Variants in ADD2 observed in about 807,000 individuals in gnomAD.
ADD2 encodes adducin 2.
A neutral mutation model predicts 83.0 loss-of-function variants in ADD2; 23 were observed. The ratio of observed to expected loss-of-function variants is 0.28; its 90% CI spans 0.20 to 0.39. ADD2 has a LOEUF of 0.39. Ranked by LOEUF, ADD2 falls within the 10% of genes least tolerant of loss-of-function variation. The pLI is 1.00. For synonymous variants in ADD2, 375 were observed against 375.4 expected (o/e 1.00, Z 0.01); for missense variants, 758 against 944.9 (o/e 0.80, Z 2.59).
At position 70,706,109 on chromosome 2, in the gene ADD2, T is replaced by C; in HGVS notation, c.183+117A>G. On this transcript the variant is annotated intron_variant, in intron 3 of 15. Transcript: ENST00000264436. This position sits in a 1 kb window ranked among gnomAD's most constrained non-coding sequence, Gnocchi z 5.0. Reference sequence around the variant, plus strand: ...CCAGATCCGTCTTGCTCAGTGGGCTTACATTTCTACTGACCCTGAGCAAGG... The same window carrying C: ...CCAGATCCGTCTTGCTCAGTGGGCTCACATTTCTACTGACCCTGAGCAAGG... 5 of 1,115,734 alleles carry C rather than the reference T, an allele frequency of 4.5e-6. No individual in the cohort carries two copies. The highest frequency in any genetic ancestry group is 5.1e-6 in the Non-Finnish European group (4 of 783,516). 69.1% of individuals were successfully genotyped at this position (1,115,734 alleles called of 1,614,324 possible). A position where few individuals can be genotyped will look rare whatever the true frequency, so the allele number is the denominator to read the frequency against.
rs1351409374 is a variant in ADD2 at position 70,659,301 on chromosome 2, G to T, written c.*4124C>A. The T allele has an allele frequency of 6.6e-6, 1 of 152,100 alleles. No individual in the cohort carries two copies. Among genetic ancestry groups the T allele is most frequent in the East Asian group, 1.9e-4 (1 of 5,200 alleles). 9.4% of individuals were successfully genotyped at this position (152,100 alleles called of 1,614,324 possible). A position where few individuals can be genotyped will look rare whatever the true frequency, so the allele number is the denominator to read the frequency against. ...AGGCGAATCATGCTGTTGGGCAAAT[G>T]GTTCTTTCAAATCCATGGCAATCAA... On this transcript the variant is annotated 3_prime_UTR_variant, in exon 16 of 16. Transcript: ENST00000264436.
At position 70,674,827 on chromosome 2, in the gene ADD2, T is replaced by G; in HGVS notation, c.1594-2A>C. 1 of 1,612,926 alleles carries G rather than the reference T, an allele frequency of 6.2e-7. No homozygotes were observed. Among genetic ancestry groups the G allele is most frequent in the Non-Finnish European group, 8.5e-7 (1 of 1,179,504 alleles). On this transcript the variant is annotated splice_acceptor_variant, in intron 13 of 15. Coordinates refer to ENST00000264436, the MANE Select transcript of ADD2 (RefSeq NM_001617.4). LOFTEE classifies it high-confidence loss of function. Reference sequence around the variant, plus strand: ...GGACATCAGCTGGCTCTCTGTAGACTGAAAGTTAACCACAGAGGGTGTGTC... The same window carrying G: ...GGACATCAGCTGGCTCTCTGTAGACGGAAAGTTAACCACAGAGGGTGTGTC...
chr2:70,703,101 CA>C (rs1671685437), intron 4 of ADD2, among the ~76,000 whole-genome samples: 4 of 147,880 alleles, frequency 2.7e-5, no homozygotes, highest in African/African-American at 1.0e-4. Context: ...GCCTGGGCAA[CA>C]GAGTGAGATT....
chr2:70,677,744 C>T lies in ADD2; in HGVS notation c.1503+14G>A. The T allele has an allele frequency of 1.9e-6, 3 of 1,613,394 alleles. No individual in the cohort carries two copies. The highest frequency in any genetic ancestry group is 2.5e-6 in the Non-Finnish European group (3 of 1,179,456). ...GTGGGAGAAGAAAGAGTGGGATAAA[C>T]AGACCCCACTTACCTTGTTCCTCAT... On this transcript the variant is annotated intron_variant, in intron 12 of 15. Coordinates refer to ENST00000264436, the MANE Select transcript of ADD2 (RefSeq NM_001617.4).
chr2:70,742,318 T>C (rs1673960914), intron 1 of ADD2, among the ~76,000 whole-genome samples: 1 of 152,280 alleles, frequency 6.6e-6, no homozygotes, highest in Admixed American at 6.5e-5. Flanking sequence ...ATCAAGTACA[T>C]TACCAGAGAA....
chr2:70,740,099 G>A (rs1673807159), intron 1 of ADD2, among the ~76,000 whole-genome samples: 1 of 151,870 alleles, frequency 6.6e-6, no homozygotes, highest in African/African-American at 2.4e-5. Context: ...AACAAACTAT[G>A]GCTTATGATA....
Position 70,676,432 on chromosome 2 carries a change from C to A in ADD2, c.1593+364G>T. On this transcript the variant is annotated intron_variant, in intron 13 of 15. Coordinates refer to ENST00000264436, the MANE Select transcript of ADD2 (RefSeq NM_001617.4). The surrounding 1 kb of genome is among the most constrained non-coding windows in gnomAD (Gnocchi z 4.8). The stretch of plus-strand genomic sequence containing the variant: ...GAGGTCAGAGACTCTCAGGGCTGGG[C>A]ACACCTGGGGCACCTGGGAGTCTCC... The A allele has an allele frequency of 8.2e-7, 1 of 1,217,886 alleles. No individual in the cohort carries two copies. The highest frequency in any genetic ancestry group is 1.5e-5 in the African/African-American group (1 of 65,718). 75.4% of individuals were successfully genotyped at this position (1,217,886 alleles called of 1,614,324 possible). A position where few individuals can be genotyped will look rare whatever the true frequency, so the allele number is the denominator to read the frequency against.
intron 15 of ADD2, among the ~76,000 whole-genome samples, chr2:70,671,839 G>C (rs1186878894): frequency 6.6e-6 from 1 of 152,174 alleles, no homozygotes; most frequent in African/African-American, 2.4e-5. Context: ...TTCTACTCCA[G>C]AGGGAGAAGA....
chr2:70,739,779 C>G (rs1005376845), intron 1 of ADD2, among the ~76,000 whole-genome samples: 1 of 152,320 alleles, frequency 6.6e-6, no homozygotes, highest in Middle Eastern at 3.4e-3. Context: ...AACAGAAAAC[C>G]AAATACTGCA....
chr2:70,683,897 C>A, intron 9 of ADD2, 130 bp from the exon 10 acceptor site: 3 of 1,001,208 alleles, frequency 3.0e-6, no homozygotes, highest in Non-Finnish European at 2.8e-6. Context: ...GAAAGAGCCA[C>A]CCATACTTGA....
rs1259194671 is a variant in ADD2, at chr2:70,716,721, G to A, written c.-153-3537C>T. Among the ~76,000 whole-genome samples the A allele has an allele frequency of 7.9e-5, 12 of 152,302 alleles. No homozygotes were observed. In the East Asian group the frequency reaches 2.3e-3, roughly 29 times the overall value. The stretch of plus-strand genomic sequence containing the variant: ...GAGGTCCCAGCAGCAAGTGAGGACT[G>A]AGGGGAGCTCACGGTACAGTGTGAG... On this transcript the variant is annotated intron_variant, in intron 1 of 15. Coordinates refer to ENST00000264436, the MANE Select transcript of ADD2 (RefSeq NM_001617.4).
intron 13 of ADD2, chr2:70,675,106 C>G: frequency 8.7e-7 from 1 of 1,150,070 alleles, no homozygotes; most frequent in Non-Finnish European, 1.1e-6. Context: ...GGAAGACACA[C>G]CTTTATTGCA....
chr2:70,692,601 C>T (rs1553371905), intron 6 of ADD2, 49 bp from the exon 7 acceptor site: 5 of 1,523,270 alleles, frequency 3.3e-6, no homozygotes, highest in Non-Finnish European at 4.4e-6. Context: ...GGCCGAGGCC[C>T]CGCACTCCTC....
intron 9 of ADD2, among the ~76,000 whole-genome samples, chr2:70,685,856 G>C (rs1670694636): frequency 1.3e-5 from 2 of 152,224 alleles, no homozygotes; most frequent in African/African-American, 4.8e-5. Context: ...GTGATGGGTA[G>C]CAGATGGAGA....
chr2:70,677,824 G>T lies in ADD2; in HGVS notation c.1437C>A (p.Ile479=). The T allele has an allele frequency of 6.2e-7, 1 of 1,614,138 alleles. No individual in the cohort carries two copies. The highest frequency in any genetic ancestry group is 8.5e-7 in the Non-Finnish European group (1 of 1,180,032). ...EKSSSGMPIR[I]ENPNQFVPLY... The stretch of plus-strand genomic sequence containing the variant: ...GAGGCACAAATTGGTTTGGGTTTTC[G>T]ATGCGAATCGGCATGCCACTGCTGG... The change falls in exon 12 of 16, where the codon ATC becomes ATA. Residue 479 remains isoleucine (I), a synonymous_variant. Coordinates refer to ENST00000264436, the MANE Select transcript of ADD2 (RefSeq NM_001617.4).
chr2:70,675,719 G>C, intron 13 of ADD2: 1 of 985,354 alleles, frequency 1.0e-6, no homozygotes, highest in Non-Finnish European at 1.2e-6. Context: ...TCTGCCCCTG[G>C]GCCCCTTCCA....
At chr2:70,696,044 T>C (rs1671289895) in intron 5 of ADD2, among the ~76,000 whole-genome samples, 1 of 152,018 alleles carries the variant, frequency 6.6e-6, no homozygotes, top group South Asian at 2.1e-4. Context: ...GATCCAGGAG[T>C]TCCTTCCCAT....
At chr2:70,681,077 T>C (rs1670427709) in intron 10 of ADD2, among the ~76,000 whole-genome samples, 1 of 151,924 alleles carries the variant, frequency 6.6e-6, no homozygotes, top group Admixed American at 6.6e-5. Context: ...GTAGGCATAG[T>C]TAAATAATTA....
rs553186538 is a variant in ADD2, at chr2:70,715,646, G to A, written c.-153-2462C>T. ...TGGCTGCCCTCTGAACTGTGAACCC[G>A]GACATTAAAACACTCAGGGGCCTTT... On this transcript the variant is annotated intron_variant, in intron 1 of 15. Transcript: ENST00000264436. Among the ~76,000 whole-genome samples the A allele has an allele frequency of 2.6e-5, 4 of 152,176 alleles. No homozygotes were observed. The South Asian group carries it at 8.3e-4, about 32-fold the overall frequency.
Sources: gnomAD v4.1 joint callset for allele counts (sites outside exome capture counted in the v4.1 genomes callset) on GRCh38, gnomAD v4.1.1 for gene constraint, Gnocchi (gnomAD v3.1) non-coding constraint, MANE v1.5 for transcripts, NCBI Gene and HGNC (gene_info 2026-07-23, HGNC 2026-07-21) for gene names.